The following NRP2 variants were observed in gnomAD, a reference collection of about 807,000 sequenced individuals.
NRP2 encodes neuropilin 2.
Under a neutral mutation model 110.4 loss-of-function variants are expected in NRP2, and 52 were observed. That is an observed-to-expected ratio of 0.47 (90% CI 0.38 to 0.59). The LOEUF (loss-of-function observed/expected upper bound fraction) is 0.59. Among genes scored for constraint, NRP2 ranks in the 20% least tolerant of loss-of-function variants. NRP2 has a pLI of 0.00. For synonymous variants in NRP2, 508 were observed against 468.9 expected, an observed-to-expected ratio of 1.08 and a Z score of -1.08; for missense variants, 1,049 against 1,203.0, an observed-to-expected ratio of 0.87 and a Z score of 1.89.
chr2:205,729,575 G>A (rs1465845098), intron 7 of NRP2, among the ~76,000 whole-genome samples: 1 of 152,190 alleles, frequency 6.6e-6, no homozygotes, highest in Non-Finnish European at 1.5e-5. Context: ...GAGAGGAGTG[G>A]GGCTCACCTG....
At chr2:205,753,569 G>C (rs937267955) in intron 12 of NRP2, among the ~76,000 whole-genome samples, 41 of 152,166 alleles carry the variant, frequency 2.7e-4, no homozygotes, top group African/African-American at 9.7e-4. Context: ...GTTTCAGAAA[G>C]CCAGATTTCA....
At chr2:205,747,367 A>C (rs1481530180) in intron 10 of NRP2, among the ~76,000 whole-genome samples, 1 of 152,200 alleles carries the variant, frequency 6.6e-6, no homozygotes, top group African/African-American at 2.4e-5. Context: ...TAGCTGAAAA[A>C]TGGAGAGGAC....
At chr2:205,750,639 C>G (rs944739692) in intron 11 of NRP2, among the ~76,000 whole-genome samples, 1 of 152,202 alleles carries the variant, frequency 6.6e-6, no homozygotes, top group Non-Finnish European at 1.5e-5. Flanking sequence ...TAAGAAACCA[C>G]AAATTTTGGA....
intron 12 of NRP2, 90 bp downstream of exon 12, chr2:205,753,065 T>G: frequency 6.6e-7 from 1 of 1,509,916 alleles, no homozygotes; most frequent in Non-Finnish European, 9.2e-7. Context: ...GCTTCATAAC[T>G]TCCCACCGCA....
rs918960214 is a variant in NRP2 at position 205,682,755 on chromosome 2, C to A, written c.-536C>A. 6.3e-6 allele frequency: 1 copy of A among 158,372 alleles called. No individual in the cohort carries two copies. The highest frequency in any genetic ancestry group is 1.7e-4 in the South Asian group (1 of 6,032). 9.8% of individuals were successfully genotyped at this position (158,372 alleles called of 1,614,324 possible). A position where few individuals can be genotyped will look rare whatever the true frequency, so the allele number is the denominator to read the frequency against. ...GGGGGAGGCTCCCGCCGGGGGAACC[C>A]GGCGAGGACAAGAGCAGGGCGGCCG... On this transcript the variant is annotated 5_prime_UTR_variant, in exon 1 of 17. Coordinates refer to ENST00000357785, the MANE Select transcript of NRP2 (RefSeq NM_003872.3). This position sits in a 1 kb window ranked among gnomAD's most constrained non-coding sequence, Gnocchi z 4.3.
intron 7 of NRP2, among the ~76,000 whole-genome samples, chr2:205,731,060 T>G (rs1260005167): frequency 6.6e-6 from 1 of 152,218 alleles, no homozygotes; most frequent in East Asian, 1.9e-4. Flanking sequence ...ACAGGCCACA[T>G]GCACAGCACA....
In NRP2 at chr2:205,725,967, A is replaced by T. The variant is rs1305139328; in HGVS notation, c.875A>T (p.Gln292Leu). ...GAGTCTGGCCGGATTGCTAATGAAC[A>T]GATCAGTGCCTCATCTACCTACTCT... ...GMESGRIANE[Q>L]ISASSTYSDG... Residue 292 changes from glutamine (Q) to leucine (L), a missense_variant, in exon 6 of 17, where the codon CAG becomes CTG. Coordinates refer to ENST00000357785, the MANE Select transcript of NRP2 (RefSeq NM_003872.3). The surrounding 1 kb of genome is among the most constrained non-coding windows in gnomAD (Gnocchi z 4.1). 1.2e-6 allele frequency: 2 copies of T among 1,614,030 alleles called. No individual in the cohort carries two copies. The highest frequency in any genetic ancestry group is 1.7e-6 in the Non-Finnish European group (2 of 1,180,022).
intron 2 of NRP2, among the ~76,000 whole-genome samples, chr2:205,712,155 T>C (rs2056811380): frequency 6.6e-6 from 1 of 152,150 alleles, no homozygotes; most frequent in Non-Finnish European, 1.5e-5. Context: ...CTTCAGAATC[T>C]GTGAGGAGAC....
Position 205,743,543 on chromosome 2 carries a change from G to A in NRP2, c.1632G>A (p.Gln544=). ...DWEYIQDPRT[Q]QPKLFEGNMH... ...AATACATTCAGGACCCCAGGACCCA[G>A]CAGCCAAAGGTAGGCTGTTCTTGGA... The change falls in exon 9 of 17, where the codon CAG becomes CAA. Residue 544 remains glutamine, a synonymous_variant. Coordinates refer to ENST00000357785, the MANE Select transcript of NRP2 (RefSeq NM_003872.3). The A allele has an allele frequency of 6.2e-7, 1 of 1,614,180 alleles. No homozygotes were observed. Among genetic ancestry groups the A allele is most frequent in the Non-Finnish European group, 8.5e-7 (1 of 1,180,014 alleles).
rs2056169243 is a variant in NRP2 at position 205,686,553 on chromosome 2, A to AC, written c.73+3192dup. Among the ~76,000 whole-genome samples, 1 of 151,980 alleles carries AC rather than the reference A, an allele frequency of 6.6e-6. No homozygotes were observed. The highest frequency in any genetic ancestry group is 1.5e-5 in the Non-Finnish European group (1 of 67,986). On this transcript the variant is annotated intron_variant, in intron 1 of 16. Coordinates refer to ENST00000357785, the MANE Select transcript of NRP2 (RefSeq NM_003872.3). This position sits in a 1 kb window ranked among gnomAD's most constrained non-coding sequence, Gnocchi z 4.7. Reference sequence around the variant, plus strand: ...GCTGGCTGTGCCGGGGGTCTTTCCCACCGGGTCGCAGGCGTCCAGCGGCTG... The same window carrying AC: ...GCTGGCTGTGCCGGGGGTCTTTCCCACCCGGGTCGCAGGCGTCCAGCGGCTG...
At chr2:205,757,311 G>A (rs1321067949) in intron 12 of NRP2, among the ~76,000 whole-genome samples, 1 of 152,122 alleles carries the variant, frequency 6.6e-6, no homozygotes, top group Non-Finnish European at 1.5e-5. Flanking sequence ...ACAGTGGCTG[G>A]CTATTCCTTC....
chr2:205,760,705 C>T (rs919630723), intron 12 of NRP2: 1 of 152,186 alleles, frequency 6.6e-6, no homozygotes, highest in Non-Finnish European at 1.5e-5. Context: ...CTGGCTGTGC[C>T]TGGAGTTTCA....
intron 7 of NRP2, among the ~76,000 whole-genome samples, chr2:205,730,240 T>C (rs897595083): frequency 6.6e-6 from 1 of 152,240 alleles, no homozygotes; most frequent in Non-Finnish European, 1.5e-5. Flanking sequence ...AATGTGCAGA[T>C]TCCCCCTCAT....
At chr2:205,710,967 G>C (rs1271225686) in intron 2 of NRP2, among the ~76,000 whole-genome samples, 1 of 152,176 alleles carries the variant, frequency 6.6e-6, no homozygotes, top group Non-Finnish European at 1.5e-5. Context: ...TGAAAATGCT[G>C]TCAGCATGAT....
chr2:205,735,177 A>C (rs1304818645), intron 7 of NRP2, among the ~76,000 whole-genome samples: 1 of 152,188 alleles, frequency 6.6e-6, no homozygotes, highest in Non-Finnish European at 1.5e-5. Flanking sequence ...TGTCCTGGGC[A>C]CATGGGTATT....
chr2:205,751,872 G>A (rs1167547337), intron 11 of NRP2, among the ~76,000 whole-genome samples: 9 of 152,122 alleles, frequency 5.9e-5, no homozygotes, highest in Admixed American at 4.6e-4. Flanking sequence ...CACTGTCTCC[G>A]CAGGCACTGC....
At chr2:205,742,027 T>G (rs893155782) in intron 8 of NRP2, among the ~76,000 whole-genome samples, 2 of 152,246 alleles carry the variant, frequency 1.3e-5, no homozygotes, top group African/African-American at 4.8e-5. Flanking sequence ...GATCAGTTTA[T>G]GCTAATCCTG....
chr2:205,740,920 A>C (rs1370380517), intron 8 of NRP2, among the ~76,000 whole-genome samples: 1 of 152,260 alleles, frequency 6.6e-6, no homozygotes, highest in East Asian at 1.9e-4. Flanking sequence ...CCTAAGATGT[A>C]ACATATTTTA....
chr2:205,722,787 CA>C, intron 4 of NRP2, 79 bp downstream of exon 4: 1 of 1,137,850 alleles, frequency 8.8e-7, no homozygotes, highest in South Asian at 1.3e-5. Context: ...AGAGGAAGAA[CA>C]AAGACTTCAA....
Sources: gnomAD v4.1 joint callset for allele counts (sites outside exome capture counted in the v4.1 genomes callset) on GRCh38, gnomAD v4.1.1 for gene constraint, Gnocchi (gnomAD v3.1) non-coding constraint, MANE v1.5 for transcripts, NCBI Gene and HGNC (gene_info 2026-07-23, HGNC 2026-07-21) for gene names.